Variants in ARHGAP12 observed in about 807,000 individuals in gnomAD.
The protein encoded by ARHGAP12 is rho GTPase-activating protein 12.
A neutral mutation model predicts 108.6 loss-of-function variants in ARHGAP12; 64 were observed. The ratio of observed to expected loss-of-function variants is 0.59; its 90% CI spans 0.48 to 0.73. The LOEUF (loss-of-function observed/expected upper bound fraction) is 0.73. ARHGAP12 is among the 30% of genes least tolerant of loss of function. The pLI is 0.00. For missense variants in ARHGAP12, 940 were observed against 1,005.9 expected, an observed-to-expected ratio of 0.93 and a Z score of 0.89; for synonymous variants, 312 against 337.2, an observed-to-expected ratio of 0.93 and a Z score of 0.82.
Position 31,809,246 on chromosome 10 carries a change from C to T in ARHGAP12, c.2112G>A (p.Arg704=). The T allele has an allele frequency of 1.2e-6, 2 of 1,613,898 alleles. No homozygotes were observed. Among genetic ancestry groups the T allele is most frequent in the Non-Finnish European group, 1.7e-6 (2 of 1,179,864 alleles). ...SGNLAVIQKL[R]FAVNHDEKLD... is the part of the protein sequence containing the mutation. ...TAATCTTACCATGATTGACTGCAAA[C>T]CTTAGTTTCTGGATCACTGCGAGGT... is the stretch of plus-strand genomic sequence containing the variant. The change falls in exon 17 of 20, where the codon AGG becomes AGA. Residue 704 remains arginine, a synonymous_variant. Transcript: ENST00000344936.
At chr10:31,837,406 TC>T (rs1340754624) in intron 9 of ARHGAP12, among the ~76,000 whole-genome samples, 1 of 152,218 alleles carries the variant, frequency 6.6e-6, no homozygotes, top group Non-Finnish European at 1.5e-5. Context: ...TCTCTATCTG[TC>T]CTCTATTTAA....
At chr10:31,926,474 C>CAT (rs1840053510) in intron 1 of ARHGAP12, among the ~76,000 whole-genome samples, 1 of 152,184 alleles carries the variant, frequency 6.6e-6, no homozygotes, top group African/African-American at 2.4e-5. Context: ...CAAAATAGTG[C>CAT]ATATTTGCAA....
intron 10 of ARHGAP12, among the ~76,000 whole-genome samples, chr10:31,829,769 C>T (rs1805200408): frequency 6.6e-6 from 1 of 152,154 alleles, no homozygotes; most frequent in Non-Finnish European, 1.5e-5. Flanking sequence ...GAACCGTTCA[C>T]CGGCAGTTTT....
At chr10:31,830,906 G>A (rs866306735) in intron 10 of ARHGAP12, among the ~76,000 whole-genome samples, 113 of 152,292 alleles carry the variant, frequency 7.4e-4, no homozygotes, top group African/African-American at 2.3e-3. Context: ...CTAAACTGGC[G>A]AAAGGTGTGC....
At chr10:31,822,039 T>C (rs1464204648) in intron 11 of ARHGAP12, among the ~76,000 whole-genome samples, 1 of 151,364 alleles carries the variant, frequency 6.6e-6, no homozygotes, top group Non-Finnish European at 1.5e-5. Flanking sequence ...AAATAAGATA[T>C]AGCAATTAAA....
At chr10:31,884,779 C>A (rs867519862) in intron 3 of ARHGAP12, among the ~76,000 whole-genome samples, 81 of 152,262 alleles carry the variant, frequency 5.3e-4, no homozygotes, top group African/African-American at 1.6e-3. Flanking sequence ...AATATCACCA[C>A]TGCTTTCATG....
chr10:31,816,199 G>GTGTGTGTGTA (rs1592246133), intron 13 of ARHGAP12, among the ~76,000 whole-genome samples: 1 of 151,314 alleles, frequency 6.6e-6, no homozygotes, highest in East Asian at 1.9e-4. Context: ...GTGTGTGTGT[G>GTGTGTGTGTA]TGTGTGTGTG....
At position 31,862,789 on chromosome 10, in the gene ARHGAP12, A is replaced by G. The variant is rs182307349; in HGVS notation, c.685-1131T>C. ...ACAACTGAAAAGCCTCCAGACACTG[A>G]TGAATGTCCCTTGGGGGCAAAACTG... On this transcript the variant is annotated intron_variant, in intron 3 of 19. Coordinates refer to ENST00000344936, the MANE Select transcript of ARHGAP12 (RefSeq NM_018287.7). 1.3e-4 allele frequency among the ~76,000 whole-genome samples: 20 copies of G among 152,034 alleles called. No individual in the cohort carries two copies. In the East Asian group the frequency reaches 3.5e-3, roughly 26 times the overall value.
intron 1 of ARHGAP12, among the ~76,000 whole-genome samples, chr10:31,923,465 AC>A (rs1839903640): frequency 6.6e-6 from 1 of 152,240 alleles, no homozygotes; most frequent in Non-Finnish European, 1.5e-5. Flanking sequence ...TTAGGTATTT[AC>A]CAACAAAAAT....
chr10:31,830,260 G>A (rs1432450467), intron 10 of ARHGAP12, among the ~76,000 whole-genome samples: 1 of 151,898 alleles, frequency 6.6e-6, no homozygotes. Flanking sequence ...AAAAGTTTAA[G>A]AACCACTAAT....
At chr10:31,839,421 ATAATT>A in intron 8 of ARHGAP12, 102 bp from the exon 9 acceptor site, 1 of 1,284,572 alleles carries the variant, frequency 7.8e-7, no homozygotes, top group South Asian at 1.5e-5. Flanking sequence ...AATATGGTAT[ATAATT>A]TAATCATGTA....
chr10:31,813,243 A>G (rs888612117), intron 14 of ARHGAP12, among the ~76,000 whole-genome samples: 2 of 152,182 alleles, frequency 1.3e-5, no homozygotes, highest in African/African-American at 4.8e-5. Context: ...TTCATTGAAT[A>G]AGAAAACTGG....
At chr10:31,923,504 A>G (rs575854527) in intron 1 of ARHGAP12, among the ~76,000 whole-genome samples, 1 of 152,380 alleles carries the variant, frequency 6.6e-6, no homozygotes, top group African/African-American at 2.4e-5. Flanking sequence ...CAAAGACAGT[A>G]GTTTCATCTG....
In ARHGAP12 at chr10:31,808,884, ACAAT is replaced by A; in HGVS notation, c.2263+106_2263+109del. 2.9e-6 allele frequency: 4 copies of A among 1,379,564 alleles called. No individual in the cohort carries two copies. In the Admixed American group the frequency reaches 6.4e-5, roughly 22 times the overall value. The allele number at this position is 1,379,564 out of a possible 1,614,324, so 85.5% of individuals were successfully genotyped here. A position where few individuals can be genotyped will look rare whatever the true frequency, so the allele number is the denominator to read the frequency against. On this transcript the variant is annotated intron_variant, in intron 18 of 19. Transcript: ENST00000344936. ...TCACATTTAAAATGTTTGGAGTAAA[ACAAT>A]CTGTTGAAAATACTTGCTTAAAGTA...
rs994282227 is a variant in ARHGAP12, at chr10:31,862,518, C to T, written c.685-860G>A. On this transcript the variant is annotated intron_variant, in intron 3 of 19. Transcript: ENST00000344936. The stretch of plus-strand genomic sequence containing the variant: ...GAAAAAAAACACACGTCTGAGAACA[C>T]CTGCTTATGTTATGTATTTGTATTT... 2.1e-4 allele frequency among the ~76,000 whole-genome samples: 32 copies of T among 152,240 alleles called. No homozygotes were observed. The East Asian group carries it at 6.2e-3, about 29-fold the overall frequency.
At chr10:31,853,978 TTC>T (rs1836792622) in intron 5 of ARHGAP12, 86 bp downstream of exon 5, 1 of 1,338,250 alleles carries the variant, frequency 7.5e-7, no homozygotes, top group African/African-American at 1.5e-5. Context: ...CATGAGTTTT[TTC>T]TTTTTTAAAT....
chr10:31,857,742 A>G (rs1319011469), intron 4 of ARHGAP12, among the ~76,000 whole-genome samples: 1 of 152,258 alleles, frequency 6.6e-6, no homozygotes, highest in Non-Finnish European at 1.5e-5. Context: ...TCAACAATGG[A>G]AGCCGGAAAA....
intron 3 of ARHGAP12, among the ~76,000 whole-genome samples, chr10:31,865,877 C>A (rs117339834): frequency 9.5e-4 from 121 of 127,770 alleles, no homozygotes; most frequent in Admixed American, 1.3e-3. Context: ...GACTCCGTCT[C>A]AAAAAAAAAA....
At chr10:31,821,156 T>A (rs959792908) in intron 11 of ARHGAP12, among the ~76,000 whole-genome samples, 1 of 152,192 alleles carries the variant, frequency 6.6e-6, no homozygotes, top group Non-Finnish European at 1.5e-5. Context: ...AGTCCCATGT[T>A]CTTTTATCTT....
Sources: gnomAD v4.1 joint callset for allele counts (sites outside exome capture counted in the v4.1 genomes callset) on GRCh38, gnomAD v4.1.1 for gene constraint, MANE v1.5 for transcripts, NCBI Gene and HGNC (gene_info 2026-07-23, HGNC 2026-07-21) for gene names.